The following KLHL10 variants were observed in gnomAD, a reference collection of about 807,000 sequenced individuals.
KLHL10 encodes the protein kelch like family member 10.
A neutral mutation model predicts 46.6 loss-of-function variants in KLHL10; 11 were observed. That is an observed-to-expected ratio of 0.24 (90% CI 0.15 to 0.39). The LOEUF (loss-of-function observed/expected upper bound fraction) is 0.39, where lower values mean the gene tolerates loss of function less well. KLHL10 is among the 10% of genes least tolerant of loss of function. KLHL10 has a pLI of 1.00. For missense variants in KLHL10, 475 were observed against 789.8 expected, an observed-to-expected ratio of 0.60 and a Z score of 4.78; for synonymous variants, 254 against 279.1, an observed-to-expected ratio of 0.91 and a Z score of 0.90.
intron 4 of KLHL10, 135 bp downstream of exon 4, chr17:41,847,545 GC>G: frequency 9.7e-7 from 1 of 1,032,276 alleles, no homozygotes; most frequent in Non-Finnish European, 1.4e-6. Context: ...TCGCTCTGTT[GC>G]CCAGGCTGTA....
intron 4 of KLHL10, among the ~76,000 whole-genome samples, chr17:41,847,647 C>T (rs1243418227): frequency 3.9e-5 from 6 of 151,908 alleles, no homozygotes; most frequent in African/African-American, 1.5e-4. Flanking sequence ...CTGGGACTAC[C>T]GGCACCCGCC....
upstream of KLHL10, chr17:41,837,739 A>AG: frequency 1.5e-6 from 2 of 1,366,820 alleles, no homozygotes; most frequent in Non-Finnish European, 1.9e-6. Context: ...CAAGTCCAGG[A>AG]GGCAGTTCCA....
At chr17:41,836,869 TGAA>T (rs1555620149), upstream of KLHL10, among the ~76,000 whole-genome samples, 1 of 151,742 alleles carries the variant, frequency 6.6e-6, no homozygotes, top group Non-Finnish European at 1.5e-5. Flanking sequence ...GGAGGAGAGA[TGAA>T]GGAGCCATAA....
chr17:41,847,800 C>T (rs2048305547), intron 4 of KLHL10, 133 bp from the exon 5 acceptor site: 16 of 1,265,106 alleles, frequency 1.3e-5, no homozygotes, highest in East Asian at 9.3e-5. Context: ...CCACTGCACC[C>T]GGCTGAAAAG....
intron 1 of KLHL10, among the ~76,000 whole-genome samples, chr17:41,838,604 C>A (rs2048193133): frequency 4.0e-5 from 6 of 149,288 alleles, no homozygotes; most frequent in Admixed American, 4.0e-4. Context: ...TCTGAAGAGG[C>A]ATGACTAGGG....
chr17:41,845,844 T>C, intron 3 of KLHL10, 101 bp downstream of exon 3: 1 of 1,435,490 alleles, frequency 7.0e-7, no homozygotes, highest in Non-Finnish European at 9.6e-7. Context: ...GTGGCAGTAT[T>C]CACTTTGGAG....
chr17:41,845,792 C>A, intron 3 of KLHL10, 49 bp downstream of exon 3: 3 of 1,611,336 alleles, frequency 1.9e-6, no homozygotes, highest in Non-Finnish European at 2.5e-6. Flanking sequence ...AGTACAAGAC[C>A]AGAAATGATA....
chr17:41,842,060 C>A lies in KLHL10; in HGVS notation c.432C>A (p.Ile144=). Residue 144 remains isoleucine, a synonymous_variant, in exon 2 of 5, where the codon ATC becomes ATA. Transcript: ENST00000293303. Reference sequence around the variant, plus strand: ...TGTGCTTGGATAATTGTATCGGCATCTGTAAGTTCACGGACTACTACTACT... The same window carrying A: ...TGTGCTTGGATAATTGTATCGGCATATGTAAGTTCACGGACTACTACTACT... The part of the protein sequence containing the change: ...SELCLDNCIG[I]CKFTDYYYCP... 6.2e-7 allele frequency: 1 copy of A among 1,614,128 alleles called. No individual in the cohort carries two copies. The highest frequency in any genetic ancestry group is 8.5e-7 in the Non-Finnish European group (1 of 1,180,030).
upstream of KLHL10, chr17:41,836,180 ACCT>A (rs2048155142): frequency 7.9e-7 from 1 of 1,273,658 alleles, no homozygotes; most frequent in East Asian, 3.1e-5. Flanking sequence ...CTCCCTCCTC[ACCT>A]CCTCTGCCAT....
chr17:41,841,741 C>T, intron 1 of KLHL10, 82 bp from the exon 2 acceptor site: 1 of 1,555,544 alleles, frequency 6.4e-7, no homozygotes, highest in Non-Finnish European at 8.9e-7. Flanking sequence ...GCCTGCACCC[C>T]ACTTTCTCAG....
At position 41,845,576 on chromosome 17, in the gene KLHL10, G is replaced by A. The variant is rs1555621286; in HGVS notation, c.1135G>A (p.Val379Ile). ...CCCGATGCACTCCAGACGTTGCTAT[G>A]TCAGTGTGACAGTCCTCGGCAATTT... is the stretch of plus-strand genomic sequence containing the variant. ...VAPMHSRRCY[V>I]SVTVLGNFIY... Residue 379 changes from valine to isoleucine, a missense_variant, in exon 3 of 5, where the codon GTC becomes ATC. Coordinates refer to ENST00000293303, the MANE Select transcript of KLHL10 (RefSeq NM_152467.5). 5 of 1,614,104 alleles carry A rather than the reference G, an allele frequency of 3.1e-6. No individual in the cohort carries two copies. The South Asian group carries it at 3.3e-5, about 11-fold the overall frequency.
At chr17:41,842,711 G>A (rs1424359997) in intron 2 of KLHL10, among the ~76,000 whole-genome samples, 1 of 152,104 alleles carries the variant, frequency 6.6e-6, no homozygotes, top group Non-Finnish European at 1.5e-5. Flanking sequence ...GCCAAGATGG[G>A]CGGATTACCT....
In KLHL10 at chr17:41,842,118, A is replaced by C; in HGVS notation, c.490A>C (p.Ile164Leu). The C allele has an allele frequency of 6.2e-7, 1 of 1,614,204 alleles. No individual in the cohort carries two copies. The highest frequency in any genetic ancestry group is 8.5e-7 in the Non-Finnish European group (1 of 1,180,048). Reference sequence around the variant, plus strand: ...GCTGAGGCAGAAGGCCTACATGTTCATACTGCACAACTTTGAGGAGATGGT... The same window carrying C: ...GCTGAGGCAGAAGGCCTACATGTTCCTACTGCACAACTTTGAGGAGATGGT... ...PELRQKAYMFILHNFEEMVKV... is the reference protein window; with the variant it reads ...PELRQKAYMFLLHNFEEMVKV... The change falls in exon 2 of 5, where the codon ATA (isoleucine) becomes CTA (leucine). Residue 164 changes from isoleucine (I) to leucine (L), a missense_variant. Ile to Leu is a conservative substitution (Grantham distance 5, BLOSUM62 2). Transcript: ENST00000293303.
rs1597942600 is a variant in KLHL10, at chr17:41,848,007, A to G, written c.1527A>G (p.Thr509=). The G allele has an allele frequency of 1.2e-6, 2 of 1,614,220 alleles. No individual in the cohort carries two copies. Among genetic ancestry groups the G allele is most frequent in the Non-Finnish European group, 1.7e-6 (2 of 1,180,032 alleles). ...GCCCTGTGGCTAACACTTGGCGCAC[A>G]ATCCCCACTATGTTTAATCCTCGTA... is the stretch of plus-strand genomic sequence containing the variant. The part of the protein sequence containing the change: ...AYSPVANTWR[T]IPTMFNPRSN... The change falls in exon 5 of 5, where the codon ACA becomes ACG. Residue 509 remains threonine (T), a synonymous_variant. Coordinates refer to ENST00000293303, the MANE Select transcript of KLHL10 (RefSeq NM_152467.5).
intron 2 of KLHL10, among the ~76,000 whole-genome samples, chr17:41,843,688 C>A (rs2048250841): frequency 1.3e-5 from 2 of 152,096 alleles, no homozygotes; most frequent in Non-Finnish European, 2.9e-5. Context: ...ACTTGAGGTG[C>A]CTTCTATCTA....
chr17:41,845,884 AC>A (rs2048279236), intron 3 of KLHL10, 141 bp downstream of exon 3: 5 of 1,050,222 alleles, frequency 4.8e-6, no homozygotes, highest in Non-Finnish European at 7.0e-6. Context: ...TGACAAGGTG[AC>A]TAGTTGCAAC....
In KLHL10 at chr17:41,848,259, G is replaced by C. The variant is rs782636545; in HGVS notation, c.1779G>C (p.Leu593=). 48 of 1,613,480 alleles carry C rather than the reference G, an allele frequency of 3.0e-5. No individual in the cohort carries two copies. Among genetic ancestry groups the C allele is most frequent in the Non-Finnish European group, 3.5e-5 (41 of 1,179,960 alleles). ...GGGACAACTTCCCAGGATTAGCACT[G>C]CGAGATGAAGTAAAATATTCTGCTT... ...ARRDNFPGLA[L]RDEVKYSAST... The change falls in exon 5 of 5, where the codon CTG becomes CTC. Residue 593 remains leucine, a synonymous_variant. Transcript: ENST00000293303.
At chr17:41,839,384 T>C (rs1223214704) in intron 1 of KLHL10, among the ~76,000 whole-genome samples, 4 of 152,182 alleles carry the variant, frequency 2.6e-5, no homozygotes, top group East Asian at 1.9e-4. Context: ...TTTGGGAAGG[T>C]TGGACATCCC....
chr17:41,843,125 CAA>C (rs34537711), intron 2 of KLHL10, among the ~76,000 whole-genome samples: 70 of 123,070 alleles, frequency 5.7e-4, no homozygotes, highest in Non-Finnish European at 4.9e-4. Flanking sequence ...GACCCTGTCT[CAA>C]AAAAAAAAAA....
Sources: allele counts gnomAD v4.1 joint callset (sites outside exome capture counted in the v4.1 genomes callset), GRCh38; gene constraint gnomAD v4.1.1; transcripts MANE v1.5; gene names NCBI Gene and HGNC (gene_info 2026-07-23, HGNC 2026-07-21).